The following MED13 variants were observed in gnomAD, a reference collection of about 807,000 sequenced individuals.
MED13 encodes the protein mediator complex subunit 13, also known as mediator of RNA polymerase II transcription subunit 13.
In MED13, 23 loss-of-function variants were observed where a neutral mutation model predicts 225.2. The ratio of observed to expected loss-of-function variants is 0.10; its 90% CI spans 0.07 to 0.14. The LOEUF is 0.14. Among genes scored for constraint, MED13 ranks in the 10% least tolerant of loss-of-function variants. The pLI is 1.00. For synonymous variants in MED13, 942 were observed against 889.2 expected (o/e 1.06, Z -1.06); for missense variants, 2,197 against 2,594.5 (o/e 0.85, Z 3.33).
intron 23 of MED13, among the ~76,000 whole-genome samples, 195 bp from the exon 24 acceptor site, chr17:61,956,676 A>ACT (rs1456441311): frequency 6.6e-6 from 1 of 151,966 alleles, no homozygotes; most frequent in African/African-American, 2.4e-5. Context: ...AATAGCTACA[A>ACT]CTACAGGTGT....
At position 61,962,971 on chromosome 17, in the gene MED13, G is replaced by A. The variant is rs1286959488; in HGVS notation, c.4845C>T (p.Ser1615=). 2 of 1,613,670 alleles carry A rather than the reference G, an allele frequency of 1.2e-6. No individual in the cohort carries two copies. The highest frequency in any genetic ancestry group is 2.2e-5 in the South Asian group (2 of 91,072). ...TTCCCACTTTATCCCGATCCATCGT[G>A]CTAAAATTTAAGGTAGAAATGAGAC... The part of the protein sequence containing the change: ...PTQPHPDVSE[S]TMDRDKVGIP... The change falls in exon 21 of 30, where the codon AGC becomes AGT. Residue 1615 remains serine (S), a splice_region_variant and synonymous_variant. Coordinates refer to ENST00000397786, the MANE Select transcript of MED13 (RefSeq NM_005121.3).
chr17:62,051,049 A>T (rs570001513), intron 3 of MED13, among the ~76,000 whole-genome samples: 2 of 152,296 alleles, frequency 1.3e-5, no homozygotes, highest in African/African-American at 4.8e-5. Flanking sequence ...TTAACTGCCT[A>T]CCCAATATCC....
At chr17:62,021,255 G>A (rs28372553) in intron 8 of MED13, among the ~76,000 whole-genome samples, 2,904 of 150,572 alleles carry the variant, frequency 0.019, 43 homozygotes, top group African/African-American at 0.067. Context: ...TCACTTCCCA[G>A]TAGGGGCGGC....
chr17:61,976,760 C>A (rs1175904388), intron 16 of MED13, among the ~76,000 whole-genome samples: 1 of 152,002 alleles, frequency 6.6e-6, no homozygotes, highest in Admixed American at 6.6e-5. Context: ...CGTTGAAACC[C>A]GTCTCTACTA....
chr17:61,999,090 T>C (rs966644583), intron 9 of MED13, among the ~76,000 whole-genome samples: 4 of 152,176 alleles, frequency 2.6e-5, no homozygotes, highest in Non-Finnish European at 5.9e-5. Flanking sequence ...AAAACAAGTT[T>C]ATTTCATCAC....
chr17:62,013,672 A>G (rs1006494407), intron 8 of MED13, among the ~76,000 whole-genome samples: 16 of 152,216 alleles, frequency 1.1e-4, no homozygotes, highest in African/African-American at 2.9e-4. Flanking sequence ...ACCCAATGCA[A>G]TAAGGCAAGA....
chr17:61,979,385 C>A (rs2080184272), intron 16 of MED13, among the ~76,000 whole-genome samples: 2 of 152,124 alleles, frequency 1.3e-5, no homozygotes, highest in African/African-American at 2.4e-5. Context: ...TCATGGTTCA[C>A]CGAATCCTCC....
At chr17:61,977,527 C>T (rs2080167603) in intron 16 of MED13, among the ~76,000 whole-genome samples, 1 of 152,240 alleles carries the variant, frequency 6.6e-6, no homozygotes, top group African/African-American at 2.4e-5. Flanking sequence ...TCTCTGCTCA[C>T]TGTAAGCTCC....
rs61326861 is a variant in MED13, at chr17:61,955,855, T to TAAAAAAAAAAAAAA, written c.5624-31_5624-18dup. ...AGCTCCAATCTGTGGGTATCAACAG[T>TAAAAAAAAAAAAAA]AAAAAAAAAAAAAAAAAAAAAAAAA... On this transcript the variant is annotated splice_polypyrimidine_tract_variant and intron_variant, in intron 24 of 29. Coordinates refer to ENST00000397786, the MANE Select transcript of MED13 (RefSeq NM_005121.3). 6.1e-6 allele frequency: 5 copies of TAAAAAAAAAAAAAA among 815,124 alleles called. No homozygotes were observed. Among genetic ancestry groups the TAAAAAAAAAAAAAA allele is most frequent in the African/African-American group, 8.6e-5 (2 of 23,172 alleles). The allele number at this position is 815,124 out of a possible 1,614,324, so 50.5% of individuals were successfully genotyped here.
rs58730188 is a variant in MED13, at chr17:62,062,600, C to CCACACACA, written c.301+459_301+466dup. 3.1e-3 allele frequency among the ~76,000 whole-genome samples: 421 copies of CCACACACA among 136,298 alleles called. 3 individuals are homozygous for CCACACACA. The highest frequency in any genetic ancestry group is 5.0e-3 in the South Asian group (22 of 4,424). The allele number at this position is 136,298 out of a possible 152,430, so 89.4% of individuals were successfully genotyped here. On this transcript the variant is annotated intron_variant, in intron 2 of 29. Coordinates refer to ENST00000397786, the MANE Select transcript of MED13 (RefSeq NM_005121.3). The stretch of plus-strand genomic sequence containing the variant: ...TAAAACACACACACACACACACACA[C>CCACACACA]CACACACACACACACACACACACAC...
At chr17:62,024,372 A>G (rs1421779130) in intron 8 of MED13, among the ~76,000 whole-genome samples, 1 of 152,204 alleles carries the variant, frequency 6.6e-6, no homozygotes, top group Non-Finnish European at 1.5e-5. Context: ...AAGAATTTAA[A>G]CCTGTGTTGC....
At chr17:62,008,154 T>TA (rs2080471219) in intron 9 of MED13, among the ~76,000 whole-genome samples, 1 of 149,324 alleles carries the variant, frequency 6.7e-6, no homozygotes, top group East Asian at 2.0e-4. Flanking sequence ...CCGTCTCTAC[T>TA]AAAAAATATA....
At chr17:62,048,043 C>CATATACATATACATATATATAT (rs776069700) in intron 3 of MED13, among the ~76,000 whole-genome samples, 1 of 131,166 alleles carries the variant, frequency 7.6e-6, no homozygotes, top group African/African-American at 2.8e-5. Flanking sequence ...TATACATATA[C>CATATACATATACATATATATAT]ATATATATAT....
chr17:61,956,287 T>C, intron 24 of MED13, 52 bp downstream of exon 24: 1 of 1,548,112 alleles, frequency 6.5e-7, no homozygotes, highest in Non-Finnish European at 8.8e-7. Flanking sequence ...CAGAACTGTG[T>C]GTGAATTTAC....
At chr17:62,019,836 C>T (rs1197869493) in intron 8 of MED13, among the ~76,000 whole-genome samples, 1 of 151,776 alleles carries the variant, frequency 6.6e-6, no homozygotes, top group African/African-American at 2.4e-5. Flanking sequence ...CTCTGCCTGC[C>T]AGGTTCACGC....
At chr17:62,047,471 G>GT (rs1298989460) in intron 3 of MED13, among the ~76,000 whole-genome samples, 7 of 152,058 alleles carry the variant, frequency 4.6e-5, no homozygotes, top group African/African-American at 1.7e-4. Context: ...ACCAAACACT[G>GT]TATGTTCTCA....
chr17:61,963,015 T>A (rs2080016751), intron 20 of MED13, 44 bp from the exon 21 acceptor site: 8 of 1,560,728 alleles, frequency 5.1e-6, no homozygotes, highest in Non-Finnish European at 7.1e-6. Context: ...GTACTGTATA[T>A]GCTTGGGGTA....
At chr17:62,063,566 T>C (rs2081058467) in intron 1 of MED13, among the ~76,000 whole-genome samples, 1 of 152,208 alleles carries the variant, frequency 6.6e-6, no homozygotes, top group African/African-American at 2.4e-5. Context: ...AACTGAATGA[T>C]GTTAAATATA....
At chr17:61,991,935 G>A (rs984538606) in intron 11 of MED13, among the ~76,000 whole-genome samples, 3 of 152,120 alleles carry the variant, frequency 2.0e-5, no homozygotes, top group African/African-American at 4.8e-5. Flanking sequence ...CGTGAGCCAC[G>A]GTGCCCAGAT....
Sources: gnomAD v4.1 joint callset for allele counts (sites outside exome capture counted in the v4.1 genomes callset) on GRCh38, gnomAD v4.1.1 for gene constraint, MANE v1.5 for transcripts, NCBI Gene and HGNC (gene_info 2026-07-23, HGNC 2026-07-21) for gene names.